CLTCL1: variants seen among roughly 807,000 people sequenced by gnomAD.
CLTCL1 encodes the protein clathrin heavy chain 2.
CLTCL1 carries 159 observed loss-of-function variants against 190.0 expected under a neutral mutation model. The ratio of observed to expected loss-of-function variants is 0.84; its 90% confidence interval spans 0.74 to 0.95. The LOEUF (loss-of-function observed/expected upper bound fraction) is 0.95, where lower values mean the gene tolerates loss of function less well. Ranked by LOEUF, CLTCL1 falls within the 40% of genes least tolerant of loss-of-function variation. The probability of loss-of-function intolerance (pLI) is 0.00; values close to 1 mark genes in which losing one functional copy is unlikely to be tolerated. For synonymous variants in CLTCL1, 752 were observed against 769.6 expected, an observed-to-expected ratio of 0.98 and a Z score of 0.38; for missense variants, 1,878 against 2,033.4, an observed-to-expected ratio of 0.92 and a Z score of 1.47.
intron 19 of CLTCL1, 65 bp from the exon 20 acceptor site, chr22:19,210,574 A>G (rs1045990969): frequency 6.7e-7 from 1 of 1,482,448 alleles, no homozygotes; most frequent in Non-Finnish European, 9.2e-7. Flanking sequence ...ATTTTTTGGC[A>G]GGTCAGGCAT....
At chr22:19,192,064 T>A (rs1169141362) in intron 26 of CLTCL1, among the ~76,000 whole-genome samples, 1 of 34,634 alleles carries the variant, frequency 2.9e-5, no homozygotes, top group African/African-American at 7.9e-5. Context: ...CGATGTCATC[T>A]TTTTTTTTTT....
chr22:19,250,561 TA>T (rs77911559), intron 3 of CLTCL1, among the ~76,000 whole-genome samples: 1 of 150,742 alleles, frequency 6.6e-6, no homozygotes, highest in African/African-American at 2.4e-5. Context: ...TTAACTTTTT[TA>T]ATTTTTTTTT....
chr22:19,238,100 T>G (rs1181390544), intron 5 of CLTCL1, among the ~76,000 whole-genome samples: 2 of 152,072 alleles, frequency 1.3e-5, no homozygotes, highest in Non-Finnish European at 1.5e-5. Flanking sequence ...TTTATTTATT[T>G]TTTGGAAATG....
intron 1 of CLTCL1, among the ~76,000 whole-genome samples, chr22:19,276,314 T>C (rs2146298726): frequency 6.6e-6 from 1 of 152,296 alleles, no homozygotes; most frequent in African/African-American, 2.4e-5. Context: ...CTTAAACATT[T>C]CCCTAGATAT....
intron 2 of CLTCL1, among the ~76,000 whole-genome samples, chr22:19,270,461 C>CT (rs1555980047): frequency 6.6e-6 from 1 of 150,976 alleles, no homozygotes; most frequent in Non-Finnish European, 1.5e-5. Context: ...GGCACGGTGG[C>CT]TCATGCCTGT....
At chr22:19,270,637 G>A (rs1258355240) in intron 2 of CLTCL1, among the ~76,000 whole-genome samples, 1 of 147,086 alleles carries the variant, frequency 6.8e-6, no homozygotes, top group Non-Finnish European at 1.5e-5. Flanking sequence ...TGAGGCAGGA[G>A]AATGGTGTGA....
chr22:19,180,837 G>T, intron 30 of CLTCL1, 31 bp from the exon 31 acceptor site: 1 of 1,600,300 alleles, frequency 6.2e-7, no homozygotes, highest in South Asian at 1.1e-5. Context: ...GTGAGCACCC[G>T]CTTGACAGAG....
chr22:19,192,501 G>C (rs1316875403), intron 26 of CLTCL1, among the ~76,000 whole-genome samples: 2 of 152,166 alleles, frequency 1.3e-5, no homozygotes, highest in African/African-American at 4.8e-5. Flanking sequence ...TGAGTGTGGG[G>C]GTCCCGGGAT....
intron 1 of CLTCL1, among the ~76,000 whole-genome samples, chr22:19,283,276 TTC>T (rs1555988084): frequency 6.6e-6 from 1 of 151,422 alleles, no homozygotes; most frequent in East Asian, 2.1e-4. Flanking sequence ...TAAAAAAATT[TTC>T]TTTCTTTTTT....
chr22:19,280,773 T>G (rs1555986112), intron 1 of CLTCL1, among the ~76,000 whole-genome samples: 1 of 144,046 alleles, frequency 6.9e-6, no homozygotes, highest in Non-Finnish European at 1.5e-5. Flanking sequence ...GTGCTGAGAT[T>G]GTGCCACTGT....
intron 1 of CLTCL1, among the ~76,000 whole-genome samples, chr22:19,282,205 T>G (rs2087739942): frequency 6.6e-6 from 1 of 151,640 alleles, no homozygotes. Context: ...GGCGTGCACC[T>G]GTAGTCTCAG....
At chr22:19,192,063 CTTTTT>C (rs782761355) in intron 26 of CLTCL1, among the ~76,000 whole-genome samples, 8 of 118,308 alleles carry the variant, frequency 6.8e-5, no homozygotes, top group African/African-American at 2.2e-4. Flanking sequence ...GCGATGTCAT[CTTTTT>C]TTTTTTTTTT....
chr22:19,290,156 T>C (rs1413052562), intron 1 of CLTCL1, among the ~76,000 whole-genome samples: 1 of 152,156 alleles, frequency 6.6e-6, no homozygotes, highest in Non-Finnish European at 1.5e-5. Flanking sequence ...ACCTAAAATA[T>C]CTTGTTGCTT....
In CLTCL1 at chr22:19,180,783, C is replaced by T. The variant is rs781982391; in HGVS notation, c.4851G>A (p.Glu1617=). The part of the protein sequence containing the change: ...LSKVDKLDAL[E]SLRKQEEHVT... ...CATGCTCCTCTTGCTTGCGCAGACT[C>T]TCCAAGGCATCCAGTTTGTCCACCT... Residue 1617 remains glutamate (E), a synonymous_variant, in exon 31 of 33, where the codon GAG becomes GAA. Transcript: ENST00000427926. 1.2e-6 allele frequency: 2 copies of T among 1,613,822 alleles called. No homozygotes were observed. Among genetic ancestry groups the T allele is most frequent in the Non-Finnish European group, 1.7e-6 (2 of 1,179,818 alleles).
chr22:19,223,268 C>T (rs1446507600), intron 14 of CLTCL1, among the ~76,000 whole-genome samples: 4 of 152,120 alleles, frequency 2.6e-5, no homozygotes, highest in Admixed American at 6.5e-5. Context: ...CATGTGGTCC[C>T]GTGCCTAGAT....
Position 19,221,618 on chromosome 22 carries a change from A to C in CLTCL1, c.2562-7T>G. The C allele has an allele frequency of 6.4e-7, 1 of 1,569,758 alleles. No individual in the cohort carries two copies. The highest frequency in any genetic ancestry group is 2.3e-5 in the East Asian group (1 of 42,656). The stretch of plus-strand genomic sequence containing the variant: ...GGGAAGCAGCAGCTTGAGCCTTTGA[A>C]AGAAGGAAGGTGCTGTAAAGTCTCA... On this transcript the variant is annotated splice_polypyrimidine_tract_variant and splice_region_variant and intron_variant, in intron 16 of 32. Coordinates refer to ENST00000427926, the MANE Select transcript of CLTCL1 (RefSeq NM_007098.4).
In CLTCL1 at chr22:19,285,978, C is replaced by T. The variant is rs2087892600; in HGVS notation, c.42+5622G>A. ...CATTTTTGGAAGGATATGGTGGCTT[C>T]GTTTATAGTGGTTTCCCCTGGGGAG... On this transcript the variant is annotated intron_variant, in intron 1 of 32. Coordinates refer to ENST00000427926, the MANE Select transcript of CLTCL1 (RefSeq NM_007098.4). Among the ~76,000 whole-genome samples, 3 of 152,106 alleles carry T rather than the reference C, an allele frequency of 2.0e-5. 1 individual carries two copies. Among genetic ancestry groups the T allele is most frequent in the South Asian group, 4.1e-4 (2 of 4,828 alleles).
intron 29 of CLTCL1, among the ~76,000 whole-genome samples, 178 bp downstream of exon 29, chr22:19,187,380 T>C (rs2084347407): frequency 6.6e-6 from 1 of 152,138 alleles, no homozygotes; most frequent in Non-Finnish European, 1.5e-5. Flanking sequence ...TCCCAATTCT[T>C]ACTCTATGTT....
At chr22:19,277,264 C>T (rs182414588) in intron 1 of CLTCL1, among the ~76,000 whole-genome samples, 59 of 152,312 alleles carry the variant, frequency 3.9e-4, no homozygotes, top group African/African-American at 1.4e-3. Context: ...GTCACCTCAT[C>T]TCATCTTCCT....
Sources: allele counts gnomAD v4.1 joint callset (sites outside exome capture counted in the v4.1 genomes callset), GRCh38; gene constraint gnomAD v4.1.1; transcripts MANE v1.5; gene names NCBI Gene and HGNC (gene_info 2026-07-23, HGNC 2026-07-21).